The following FGF12 variants were observed in gnomAD, a reference collection of about 807,000 sequenced individuals.
FGF12 encodes the protein fibroblast growth factor 12.
A neutral mutation model predicts 23.6 loss-of-function variants in FGF12; 14 were observed. The ratio of observed to expected loss-of-function variants is 0.59; its 90% CI spans 0.39 to 0.93. The LOEUF is 0.93. Among genes scored for constraint, FGF12 ranks in the 40% least tolerant of loss-of-function variants. The pLI is 0.00. For missense variants in FGF12, 175 were observed against 217.8 expected, an observed-to-expected ratio of 0.80 and a Z score of 1.24; for synonymous variants, 62 against 77.3, an observed-to-expected ratio of 0.80 and a Z score of 1.04.
At chr3:192,316,436 A>T (rs1407208779) in intron 4 of FGF12, among the ~76,000 whole-genome samples, 1 of 152,144 alleles carries the variant, frequency 6.6e-6, no homozygotes, top group Non-Finnish European at 1.5e-5. Context: ...TGGCATGGAG[A>T]CAGAACCTGT....
intron 2 of FGF12, among the ~76,000 whole-genome samples, chr3:192,449,277 C>G (rs1364344899): frequency 1.3e-5 from 2 of 152,096 alleles, no homozygotes; most frequent in Non-Finnish European, 1.5e-5. Context: ...CAGTTTACTT[C>G]TATATTGATT....
chr3:192,158,383 T>C (rs1397447954), intron 5 of FGF12, among the ~76,000 whole-genome samples: 1 of 85,810 alleles, frequency 1.2e-5, no homozygotes, highest in African/African-American at 6.4e-5. Context: ...TCTTTCTTTC[T>C]TTTCTTTCTC....
At chr3:192,612,166 T>G (rs548218422) in intron 2 of FGF12, among the ~76,000 whole-genome samples, 36 of 152,034 alleles carry the variant, frequency 2.4e-4, no homozygotes, top group Non-Finnish European at 3.8e-4. Context: ...AGTAGAGAAA[T>G]GGCTCTATTT....
At chr3:192,459,552 A>G (rs890992577) in intron 2 of FGF12, among the ~76,000 whole-genome samples, 1 of 152,210 alleles carries the variant, frequency 6.6e-6, no homozygotes, top group Non-Finnish European at 1.5e-5. Flanking sequence ...CTACATTCCC[A>G]TGGGAACCAG....
chr3:192,619,170 G>A (rs1374897422), intron 2 of FGF12, among the ~76,000 whole-genome samples: 1 of 151,958 alleles, frequency 6.6e-6, no homozygotes, highest in African/African-American at 2.4e-5. Flanking sequence ...TTAATTGGCT[G>A]CCTGTAACCT....
chr3:192,176,614 CT>C (rs1715876002), intron 4 of FGF12, among the ~76,000 whole-genome samples: 1 of 152,188 alleles, frequency 6.6e-6, no homozygotes, highest in Non-Finnish European at 1.5e-5. Flanking sequence ...TTAAAAATCT[CT>C]TTTTCTATTA....
chr3:192,283,463 T>C (rs1363848477), intron 4 of FGF12, among the ~76,000 whole-genome samples: 1 of 152,138 alleles, frequency 6.6e-6, no homozygotes, highest in Non-Finnish European at 1.5e-5. Context: ...TTCAGCTCTA[T>C]TCATAAAAGG....
intron 4 of FGF12, among the ~76,000 whole-genome samples, chr3:192,268,232 G>T (rs1713202045): frequency 1.3e-5 from 2 of 152,102 alleles, no homozygotes; most frequent in Non-Finnish European, 2.9e-5. Flanking sequence ...CTACATACTA[G>T]CAAATTCTGC....
At chr3:192,590,219 C>T (rs766069009) in intron 2 of FGF12, among the ~76,000 whole-genome samples, 18 of 151,582 alleles carry the variant, frequency 1.2e-4, no homozygotes, top group Admixed American at 6.6e-5. Flanking sequence ...CATTCTAGAA[C>T]CAGTATATGT....
At chr3:192,404,277 AGAGAGG>A (rs1198902134) in intron 2 of FGF12, among the ~76,000 whole-genome samples, 1 of 152,200 alleles carries the variant, frequency 6.6e-6, no homozygotes, top group Admixed American at 6.5e-5. Flanking sequence ...TGCTCTTTCC[AGAGAGG>A]GTCTCATTTG....
chr3:192,345,239 G>A (rs181509747), intron 3 of FGF12, among the ~76,000 whole-genome samples: 6 of 152,146 alleles, frequency 3.9e-5, no homozygotes, highest in African/African-American at 1.4e-4. Flanking sequence ...ATAGATAAAA[G>A]TAACCACATG....
chr3:192,383,316 A>C (rs542177278), intron 2 of FGF12, among the ~76,000 whole-genome samples: 68 of 152,312 alleles, frequency 4.5e-4, no homozygotes, highest in Admixed American at 5.9e-4. Flanking sequence ...GAGGCTGCAC[A>C]TGCTATAATA....
chr3:192,262,872 C>T (rs1461595829), intron 4 of FGF12, among the ~76,000 whole-genome samples: 2 of 151,394 alleles, frequency 1.3e-5, no homozygotes, highest in Non-Finnish European at 2.9e-5. Context: ...ACTACTCCCC[C>T]ATACACACAC....
In FGF12 at chr3:192,231,959, T is replaced by A. The variant is rs147055176; in HGVS notation, c.229-61303A>T. 2.6e-5 allele frequency among the ~76,000 whole-genome samples: 4 copies of A among 152,336 alleles called. 1 individual carries two copies. The East Asian group carries it at 7.7e-4, about 29-fold the overall frequency. ...TTAGGAGATGCAAAGGTAATTCCTC[T>A]GATGGACTTCTACGTTCATTTCATT... On this transcript the variant is annotated intron_variant, in intron 4 of 5. Coordinates refer to ENST00000445105, the MANE Select transcript of FGF12 (RefSeq NM_004113.6).
chr3:192,368,151 T>C (rs6444636), intron 2 of FGF12, among the ~76,000 whole-genome samples: 64,445 of 151,784 alleles, frequency 0.42, 13,960 homozygotes, highest in Admixed American at 0.51. Context: ...AACCAGACTT[T>C]CATGGGATGA....
chr3:192,350,009 T>C (rs1439536317), intron 3 of FGF12, among the ~76,000 whole-genome samples: 2 of 152,140 alleles, frequency 1.3e-5, no homozygotes, highest in African/African-American at 2.4e-5. Flanking sequence ...AATTAAATCT[T>C]TTGGTTTCAA....
chr3:192,516,745 G>A (rs1234424100), intron 2 of FGF12: 2 of 152,200 alleles, frequency 1.3e-5, no homozygotes, highest in Non-Finnish European at 2.9e-5. Context: ...TCTTAGTCCT[G>A]TTGTTCAGTG....
rs545942361 is a variant in FGF12, at chr3:192,708,796, T to A, written c.13+18385A>T. On this transcript the variant is annotated intron_variant, in intron 2 of 5. Transcript: ENST00000445105. ...TATTGAGAAAATTACAATCTAAGCA[T>A]TTGTGGAAATAAAAAGTTAATATAC... Among the ~76,000 whole-genome samples, 5 of 152,316 alleles carry A rather than the reference T, an allele frequency of 3.3e-5. No individual in the cohort carries two copies. The East Asian group carries it at 9.7e-4, about 29-fold the overall frequency.
At chr3:192,248,208 G>A (rs1284241838) in intron 4 of FGF12, among the ~76,000 whole-genome samples, 1 of 152,160 alleles carries the variant, frequency 6.6e-6, no homozygotes, top group East Asian at 1.9e-4. Flanking sequence ...TAATAAAACA[G>A]CCATTAAGGA....
Sources: gnomAD v4.1 joint callset for allele counts (sites outside exome capture counted in the v4.1 genomes callset) on GRCh38, gnomAD v4.1.1 for gene constraint, MANE v1.5 for transcripts, NCBI Gene and HGNC (gene_info 2026-07-23, HGNC 2026-07-21) for gene names.